The following TMEM221 variants were observed in gnomAD, a reference collection of about 807,000 sequenced individuals.
The protein encoded by TMEM221 is Putative transmembrane protein ENSP00000342162.
In TMEM221, 11 loss-of-function variants were observed where a neutral mutation model predicts 10.2. The observed-to-expected ratio is 1.08, with a 90% CI of 0.68 to 1.79. The LOEUF (loss-of-function observed/expected upper bound fraction) is 1.79. TMEM221 is among the 40% of genes most tolerant of loss of function. TMEM221 has a pLI of 0.00. For synonymous variants in TMEM221, 172 were observed against 199.8 expected (o/e 0.86, Z 1.18); for missense variants, 382 against 417.7 (o/e 0.91, Z 0.75).
chr19:17,447,523 G>A (rs1011331631), intron 1 of TMEM221, among the ~76,000 whole-genome samples: 1 of 152,146 alleles, frequency 6.6e-6, no homozygotes, highest in African/African-American at 2.4e-5. Context: ...CCTCAATGGT[G>A]GGAGTTCTCA....
Position 17,448,595 on chromosome 19 carries a change from T to G in TMEM221, c.-133A>C. 3 of 588,574 alleles carry G rather than the reference T, an allele frequency of 5.1e-6. No homozygotes were observed. Among genetic ancestry groups the G allele is most frequent in the East Asian group, 3.8e-5 (1 of 26,002 alleles). The allele number at this position is 588,574 out of a possible 1,614,324, so 36.5% of individuals were successfully genotyped here. A position where few individuals can be genotyped will look rare whatever the true frequency, so the allele number is the denominator to read the frequency against. On this transcript the variant is annotated 5_prime_UTR_variant, in exon 1 of 3. Transcript: ENST00000341130. This position sits in a 1 kb window ranked among gnomAD's most constrained non-coding sequence, Gnocchi z 4.7. ...GGGGCCGCAGGGAGTGTCTGAAAGT[T>G]CGGGGACTGGGCTGGGGGTCGCCAG...
chr19:17,442,292 A>T (rs2074934861), intron 2 of TMEM221, among the ~76,000 whole-genome samples: 1 of 151,244 alleles, frequency 6.6e-6, no homozygotes, highest in Non-Finnish European at 1.5e-5. Context: ...ACAGAGTCTC[A>T]CTCTGTCACC....
chr19:17,448,101 C>T lies in TMEM221; in HGVS notation c.320+42G>A, dbSNP rs2074959402. 1.5e-6 allele frequency: 2 copies of T among 1,312,142 alleles called. No individual in the cohort carries two copies. The highest frequency in any genetic ancestry group is 1.9e-6 in the Non-Finnish European group (2 of 1,029,962). 81.3% of individuals were successfully genotyped at this position (1,312,142 alleles called of 1,614,324 possible). A position where few individuals can be genotyped will look rare whatever the true frequency, so the allele number is the denominator to read the frequency against. ...AAGAGGCTCAACCAGGCTCACCCAG[C>T]CCCCAGCCGGGCCTCCGAGGCGGTG... On this transcript the variant is annotated intron_variant, in intron 1 of 2. Coordinates refer to ENST00000341130, the MANE Select transcript of TMEM221 (RefSeq NM_001190844.2). This position sits in a 1 kb window ranked among gnomAD's most constrained non-coding sequence, Gnocchi z 4.7.
At chr19:17,438,597 T>A (rs2074919158) in intron 2 of TMEM221, among the ~76,000 whole-genome samples, 1 of 145,310 alleles carries the variant, frequency 6.9e-6, no homozygotes, top group African/African-American at 2.5e-5. Flanking sequence ...TGCTCTATCT[T>A]TTTTTTTTTT....
intron 2 of TMEM221, among the ~76,000 whole-genome samples, chr19:17,442,247 T>C (rs746113851): frequency 2.0e-5 from 3 of 151,558 alleles, no homozygotes; most frequent in Non-Finnish European, 4.4e-5. Flanking sequence ...TTTTCTTTTA[T>C]TATTATTATT....
chr19:17,440,327 C>T (rs1489920474), intron 2 of TMEM221, among the ~76,000 whole-genome samples: 5 of 150,342 alleles, frequency 3.3e-5, no homozygotes, highest in South Asian at 2.1e-4. Context: ...CCCGGGTTCA[C>T]GCCATTCTCC....
At chr19:17,445,875 C>T (rs2074951394) in intron 1 of TMEM221, among the ~76,000 whole-genome samples, 1 of 151,914 alleles carries the variant, frequency 6.6e-6, no homozygotes, top group South Asian at 2.1e-4. Context: ...CTTATCCATC[C>T]ATCGGCCCCA....
In TMEM221 at chr19:17,448,143, C is replaced by A. The variant is rs1599621610; in HGVS notation, c.320G>T (p.Arg107Met). The A allele has an allele frequency of 8.6e-6, 12 of 1,395,732 alleles. No individual in the cohort carries two copies. Among genetic ancestry groups the A allele is most frequent in the Non-Finnish European group, 9.3e-6 (10 of 1,080,068 alleles). The allele number at this position is 1,395,732 out of a possible 1,614,324, so 86.5% of individuals were successfully genotyped here. A position where few individuals can be genotyped will look rare whatever the true frequency, so the allele number is the denominator to read the frequency against. ...AELARGPGPR[R>M]SDWFLYDCRL... ...GAGGCGGTGAGGCCAGTCCTCCTAC[C>A]TCCTGGGGCCAGGCCCCCGCGCCAG... is the stretch of plus-strand genomic sequence containing the variant. Residue 107 changes from arginine to methionine, a missense_variant and splice_region_variant, in exon 1 of 3, where the codon AGG (arginine) becomes ATG (methionine). Physicochemically the swap from Arg to Met is moderately conservative, Grantham distance 91 (BLOSUM62 -1). Coordinates refer to ENST00000341130, the MANE Select transcript of TMEM221 (RefSeq NM_001190844.2). This position sits in a 1 kb window ranked among gnomAD's most constrained non-coding sequence, Gnocchi z 4.7.
intron 2 of TMEM221, among the ~76,000 whole-genome samples, chr19:17,440,756 G>A (rs183259783): frequency 4.0e-4 from 61 of 152,202 alleles, no homozygotes; most frequent in African/African-American, 1.4e-3. Context: ...CTGCATCTCT[G>A]TCTGTCTCTG....
intron 2 of TMEM221, among the ~76,000 whole-genome samples, chr19:17,442,535 G>C (rs1475148795): frequency 6.6e-6 from 1 of 151,208 alleles, no homozygotes; most frequent in Non-Finnish European, 1.5e-5. Flanking sequence ...TGCCTCCCAG[G>C]TTCAAACAAT....
intron 1 of TMEM221, among the ~76,000 whole-genome samples, chr19:17,446,200 C>T (rs1263636435): frequency 7.4e-6 from 1 of 134,430 alleles, no homozygotes; most frequent in African/African-American, 2.6e-5. Context: ...ATCCATCCAT[C>T]CATCTATCCA....
At chr19:17,437,018 A>G (rs1331719963) in intron 2 of TMEM221, 91 bp from the exon 3 acceptor site, 1 of 996,766 alleles carries the variant, frequency 1.0e-6, no homozygotes, top group East Asian at 2.9e-5. Flanking sequence ...AGAAATTACG[A>G]AAAGCCCTGC....
chr19:17,445,232 G>A lies in TMEM221; in HGVS notation c.373C>T (p.Leu125Phe). Residue 125 changes from leucine (L) to phenylalanine (F), a missense_variant, in exon 2 of 3, where the codon CTT becomes TTT. Physicochemically the swap from Leu to Phe is conservative, Grantham distance 22 (BLOSUM62 0). Coordinates refer to ENST00000341130, the MANE Select transcript of TMEM221 (RefSeq NM_001190844.2). ...CRLLRHVALG[L>F]FCCGISVYLA... ...TAGACGGAGATCCCACAGCAGAAAAGGCCAAGGGCCACATGTCTGAGGAGG... is the reference window on the plus strand; with the variant it reads ...TAGACGGAGATCCCACAGCAGAAAAAGCCAAGGGCCACATGTCTGAGGAGG... The A allele has an allele frequency of 6.5e-7, 1 of 1,535,964 alleles. No individual in the cohort carries two copies. The highest frequency in any genetic ancestry group is 8.7e-7 in the Non-Finnish European group (1 of 1,146,762).
chr19:17,440,386 C>T (rs1268160256), intron 2 of TMEM221, among the ~76,000 whole-genome samples: 1 of 152,008 alleles, frequency 6.6e-6, no homozygotes, highest in African/African-American at 2.4e-5. Context: ...GCCACCACAC[C>T]CGGCTAATTT....
rs989704025 is a variant in TMEM221 at position 17,436,222 on chromosome 19, G to C, written c.*236C>G. 6 of 498,240 alleles carry C rather than the reference G, an allele frequency of 1.2e-5. No individual in the cohort carries two copies. The highest frequency in any genetic ancestry group is 1.2e-4 in the African/African-American group (6 of 51,522). The allele number at this position is 498,240 out of a possible 1,614,324, so 30.9% of individuals were successfully genotyped here. A position where few individuals can be genotyped will look rare whatever the true frequency, so the allele number is the denominator to read the frequency against. On this transcript the variant is annotated 3_prime_UTR_variant, in exon 3 of 3. Transcript: ENST00000341130. ...AAAAAGAAGGGTTTCGAGGCTTCCT[G>C]GGAAGACTTCCAGGAGACACCTAGC...
chr19:17,444,071 CTTTTTTTTTTTTT>C (rs67270566), intron 2 of TMEM221, among the ~76,000 whole-genome samples: 1 of 56,284 alleles, frequency 1.8e-5, no homozygotes, highest in Non-Finnish European at 3.2e-5. Flanking sequence ...AAAATGCTAT[CTTTTTTTTTTTTT>C]TTTTTTTTTT....
chr19:17,448,569 C>T lies in TMEM221; in HGVS notation c.-107G>A. 1.4e-6 allele frequency: 1 copy of T among 702,598 alleles called. No individual in the cohort carries two copies. The highest frequency in any genetic ancestry group is 4.0e-5 in the South Asian group (1 of 24,970). 43.5% of individuals were successfully genotyped at this position (702,598 alleles called of 1,614,324 possible). ...GGTCCTCAGGGGGTCCCCGAGGGGGCGGGGCCGCAGGGAGTGTCTGAAAGT... is the reference window on the plus strand; with the variant it reads ...GGTCCTCAGGGGGTCCCCGAGGGGGTGGGGCCGCAGGGAGTGTCTGAAAGT... On this transcript the variant is annotated 5_prime_UTR_variant, in exon 1 of 3. Coordinates refer to ENST00000341130, the MANE Select transcript of TMEM221 (RefSeq NM_001190844.2). The surrounding 1 kb of genome is among the most constrained non-coding windows in gnomAD (Gnocchi z 4.7).
At chr19:17,446,934 C>T (rs2074955214) in intron 1 of TMEM221, among the ~76,000 whole-genome samples, 1 of 151,980 alleles carries the variant, frequency 6.6e-6, no homozygotes, top group Non-Finnish European at 1.5e-5. Flanking sequence ...CAAGGTCTTG[C>T]TATATTACCC....
At chr19:17,446,205 T>TCCATCCATCCATTC (rs1568399303) in intron 1 of TMEM221, among the ~76,000 whole-genome samples, 1 of 110,432 alleles carries the variant, frequency 9.1e-6, no homozygotes, top group African/African-American at 2.7e-5. Flanking sequence ...TCCATCCATC[T>TCCATCCATCCATTC]ATCCATCCAT....
Sources: allele counts gnomAD v4.1 joint callset (sites outside exome capture counted in the v4.1 genomes callset), GRCh38; gene constraint gnomAD v4.1.1; non-coding constraint Gnocchi (gnomAD v3.1); transcripts MANE v1.5; gene names NCBI Gene and HGNC (gene_info 2026-07-23, HGNC 2026-07-21).